The following STK33 variants were observed in gnomAD, a reference collection of about 807,000 sequenced individuals.
STK33 encodes the protein serine/threonine-protein kinase 33.
STK33 carries 52 observed loss-of-function variants against 58.0 expected under a neutral mutation model. The observed-to-expected ratio is 0.90, with a 90% CI of 0.72 to 1.13. The LOEUF (loss-of-function observed/expected upper bound fraction) is 1.13. Among genes scored for constraint, STK33 ranks in the 50% most tolerant of loss-of-function variants. STK33 has a pLI of 0.00. For synonymous variants in STK33, 215 were observed against 200.1 expected, an observed-to-expected ratio of 1.07 and a Z score of -0.63; for missense variants, 630 against 604.2, an observed-to-expected ratio of 1.04 and a Z score of -0.45.
At chr11:8,403,478 G>T (rs1234186543) in intron 15 of STK33, among the ~76,000 whole-genome samples, 2 of 152,176 alleles carry the variant, frequency 1.3e-5, no homozygotes, top group East Asian at 3.8e-4. Flanking sequence ...AATGAAGAAG[G>T]AGGCATATTT....
chr11:8,564,935 G>C (rs1020778437), intron 1 of STK33, among the ~76,000 whole-genome samples: 6 of 152,108 alleles, frequency 3.9e-5, no homozygotes, highest in Admixed American at 2.6e-4. Flanking sequence ...GGACTAAAAG[G>C]TCTCAGAAGC....
chr11:8,349,923 A>T, the STK33 span, among the ~76,000 whole-genome samples: 1 of 152,316 alleles, frequency 6.6e-6, no homozygotes, highest in South Asian at 2.1e-4. Flanking sequence ...TCATCTCAGG[A>T]TCTGTTTCAG....
At chr11:8,477,499 G>T (rs1049999706) in intron 2 of STK33, among the ~76,000 whole-genome samples, 10 of 152,102 alleles carry the variant, frequency 6.6e-5, no homozygotes, top group African/African-American at 2.4e-4. Context: ...ATAAGAAATT[G>T]TAAGAAGTAT....
intron 1 of STK33, chr11:8,593,633 G>T (rs2032965401): frequency 6.6e-6 from 1 of 152,118 alleles, no homozygotes; most frequent in Non-Finnish European, 1.5e-5. Context: ...CTATCTTAAG[G>T]GCAACAGGAA....
intron 1 of STK33, among the ~76,000 whole-genome samples, chr11:8,519,789 C>T (rs1591596151): frequency 6.6e-6 from 1 of 152,218 alleles, no homozygotes; most frequent in South Asian, 2.1e-4. Context: ...CAAGACTAAA[C>T]CAGAAAGAGG....
chr11:8,539,607 T>C (rs1376109955), intron 1 of STK33, among the ~76,000 whole-genome samples: 1 of 152,228 alleles, frequency 6.6e-6, no homozygotes, highest in East Asian at 1.9e-4. Flanking sequence ...AACAACCCAA[T>C]AGTTTCGGAT....
At chr11:8,375,614 T>C in the STK33 span, among the ~76,000 whole-genome samples, 1 of 152,308 alleles carries the variant, frequency 6.6e-6, no homozygotes, top group East Asian at 1.9e-4. Flanking sequence ...AACTTCCTTG[T>C]TTGCAAATTC....
At chr11:8,336,235 G>A in the STK33 span, among the ~76,000 whole-genome samples, 1 of 152,242 alleles carries the variant, frequency 6.6e-6, no homozygotes, top group African/African-American at 2.4e-5. Context: ...AGCTGAGGAA[G>A]GAGGGCCAAT....
At chr11:8,364,182 T>A in the STK33 span, among the ~76,000 whole-genome samples, 1 of 152,240 alleles carries the variant, frequency 6.6e-6, no homozygotes, top group Admixed American at 6.5e-5. Flanking sequence ...ACTAAGTTCC[T>A]CTGCTGCACA....
intron 1 of STK33, among the ~76,000 whole-genome samples, chr11:8,586,573 C>G (rs772233252): frequency 2.0e-5 from 3 of 152,110 alleles, no homozygotes; most frequent in Non-Finnish European, 4.4e-5. Context: ...CCTGTAATCC[C>G]AGCACTTTGG....
At chr11:8,480,302 G>T (rs531591301) in intron 2 of STK33, among the ~76,000 whole-genome samples, 108 bp downstream of exon 2, 2 of 152,190 alleles carry the variant, frequency 1.3e-5, no homozygotes, top group South Asian at 2.1e-4. Flanking sequence ...AGACTAGGAC[G>T]TATTGAGGTT....
chr11:8,540,851 T>C (rs908159894), intron 1 of STK33, among the ~76,000 whole-genome samples: 1 of 152,086 alleles, frequency 6.6e-6, no homozygotes. Context: ...TTAATCAAAT[T>C]GTATTATATT....
chr11:8,454,536 C>G (rs1022086532), intron 10 of STK33, among the ~76,000 whole-genome samples: 4 of 152,150 alleles, frequency 2.6e-5, no homozygotes, highest in African/African-American at 9.6e-5. Flanking sequence ...TGAATATGTA[C>G]TTTAAAAACA....
chr11:8,349,122 A>C, the STK33 span, among the ~76,000 whole-genome samples: 1 of 152,130 alleles, frequency 6.6e-6, no homozygotes, highest in African/African-American at 2.4e-5. Context: ...CCCACGGGTC[A>C]TTTCCACTTC....
chr11:8,401,654 A>G, intron 15 of STK33, among the ~76,000 whole-genome samples: 1 of 152,234 alleles, frequency 6.6e-6, no homozygotes, highest in Non-Finnish European at 1.5e-5. Context: ...TCTGCATAGC[A>G]AAAGAAACTA....
chr11:8,414,677 C>T (rs988728761), intron 14 of STK33, among the ~76,000 whole-genome samples: 3 of 152,098 alleles, frequency 2.0e-5, no homozygotes, highest in Non-Finnish European at 4.4e-5. Flanking sequence ...ATGCTAATAA[C>T]TAAATGAGGA....
rs1848688160 is a variant in STK33, at chr11:8,392,385, C to T, written c.*125G>A. ...ATTTTAAGCTGGTGCAAACACATGG[C>T]GGGGCTCTGTGGAGCTAAAAGGCTA... On this transcript the variant is annotated 3_prime_UTR_variant, in exon 16 of 16. Transcript: ENST00000687296. 14 of 1,092,222 alleles carry T rather than the reference C, an allele frequency of 1.3e-5. No individual in the cohort carries two copies. The highest frequency in any genetic ancestry group is 6.0e-5 in the South Asian group (4 of 66,776). 67.7% of individuals were successfully genotyped at this position (1,092,222 alleles called of 1,614,324 possible). A position where few individuals can be genotyped will look rare whatever the true frequency, so the allele number is the denominator to read the frequency against.
At chr11:8,425,212 G>A (rs1043691961) in intron 14 of STK33, among the ~76,000 whole-genome samples, 3 of 152,062 alleles carry the variant, frequency 2.0e-5, no homozygotes, top group Admixed American at 6.5e-5. Flanking sequence ...ATGGCTAGCA[G>A]GTTTTCCCAG....
At chr11:8,418,233 G>C (rs1217265145) in intron 14 of STK33, among the ~76,000 whole-genome samples, 3 of 151,400 alleles carry the variant, frequency 2.0e-5, no homozygotes, top group Admixed American at 2.0e-4. Context: ...TTTTTTTCTG[G>C]TCCTCTCCCT....
Sources: gnomAD v4.1 joint callset for allele counts (sites outside exome capture counted in the v4.1 genomes callset) on GRCh38, gnomAD v4.1.1 for gene constraint, MANE v1.5 for transcripts, NCBI Gene and HGNC (gene_info 2026-07-23, HGNC 2026-07-21) for gene names.